ACACA: variants seen among roughly 807,000 people sequenced by gnomAD.
The protein encoded by ACACA is acetyl-CoA carboxylase 1.
A neutral mutation model predicts 296.1 loss-of-function variants in ACACA; 103 were observed. The ratio of observed to expected loss-of-function variants is 0.35; its 90% confidence interval spans 0.30 to 0.41. ACACA has a LOEUF of 0.41. ACACA is among the 10% of genes least tolerant of loss of function. The pLI is 1.00. For missense variants in ACACA, 1,554 were observed against 2,989.7 expected (o/e 0.52, Z 11.20); for synonymous variants, 953 against 1,038.6 (o/e 0.92, Z 1.58).
intron 26 of ACACA, among the ~76,000 whole-genome samples, chr17:37,225,798 G>T (rs566975076): frequency 2.0e-5 from 3 of 152,188 alleles, no homozygotes; most frequent in Non-Finnish European, 4.4e-5. Context: ...CCCATGCACT[G>T]AAACACAAAG....
intron 38 of ACACA, 107 bp downstream of exon 38, chr17:37,191,013 C>A: frequency 7.4e-7 from 1 of 1,342,740 alleles, no homozygotes; most frequent in South Asian, 1.2e-5. Flanking sequence ...AAGGGCTCAA[C>A]AGCCTGAACA....
At chr17:37,145,852 T>C (rs2075784242) in intron 45 of ACACA, among the ~76,000 whole-genome samples, 1 of 152,200 alleles carries the variant, frequency 6.6e-6, no homozygotes, top group South Asian at 2.1e-4. Flanking sequence ...AAAATCCAGA[T>C]ACTACAACTC....
chr17:37,177,490 C>T (rs188919529), intron 41 of ACACA, among the ~76,000 whole-genome samples: 74 of 152,236 alleles, frequency 4.9e-4, no homozygotes, highest in Admixed American at 1.6e-3. Context: ...AGAAAGAAAG[C>T]AGGAAAGAAA....
intron 1 of ACACA, among the ~76,000 whole-genome samples, chr17:37,402,736 G>C (rs185205934): frequency 6.6e-6 from 1 of 151,968 alleles, no homozygotes; most frequent in Non-Finnish European, 1.5e-5. Flanking sequence ...ACAGCGGCAC[G>C]ATCTCAGCTC....
At chr17:37,313,424 T>C (rs902867065) in intron 3 of ACACA, among the ~76,000 whole-genome samples, 1 of 152,168 alleles carries the variant, frequency 6.6e-6, no homozygotes, top group African/African-American at 2.4e-5. Context: ...AGTATCTCCA[T>C]CTGACAGAGG....
At chr17:37,377,936 T>C in intron 1 of ACACA, 2 of 1,612,750 alleles carry the variant, frequency 1.2e-6, no homozygotes, top group South Asian at 1.1e-5. Context: ...CCAAAAGACG[T>C]GAGAAGCATC....
chr17:37,180,574 A>G (rs1381295229), intron 40 of ACACA, among the ~76,000 whole-genome samples: 1 of 152,140 alleles, frequency 6.6e-6, no homozygotes, highest in Non-Finnish European at 1.5e-5. Context: ...CTTGCCTTCT[A>G]TTGATAGAAG....
At chr17:37,329,262 G>C (rs2047750582) in intron 3 of ACACA, among the ~76,000 whole-genome samples, 1 of 152,164 alleles carries the variant, frequency 6.6e-6, no homozygotes, top group Non-Finnish European at 1.5e-5. Flanking sequence ...CATCAAGATA[G>C]TTAGAACAAT....
intron 50 of ACACA, among the ~76,000 whole-genome samples, chr17:37,116,012 C>T (rs1001971116): frequency 3.3e-5 from 5 of 151,512 alleles, no homozygotes; most frequent in Non-Finnish European, 5.9e-5. Context: ...GAGCGGGGCG[C>T]GCCAGGTTCT....
chr17:37,171,890 C>T (rs574261785), intron 41 of ACACA, among the ~76,000 whole-genome samples: 2 of 152,206 alleles, frequency 1.3e-5, no homozygotes, highest in African/African-American at 2.4e-5. Flanking sequence ...TAGAAGCCAG[C>T]GGTATTTGAG....
At chr17:37,243,697 A>G (rs2080534891) in intron 21 of ACACA, 138 bp from the exon 22 acceptor site, 1 of 847,990 alleles carries the variant, frequency 1.2e-6, no homozygotes, top group South Asian at 1.5e-5. Flanking sequence ...CACATACTTG[A>G]GCCCTACGGA....
intron 25 of ACACA, among the ~76,000 whole-genome samples, chr17:37,234,239 A>G (rs772091029): frequency 6.6e-6 from 1 of 152,190 alleles, no homozygotes; most frequent in South Asian, 2.1e-4. Flanking sequence ...GGACTCTAGG[A>G]GTAGTCCTAC....
chr17:37,126,428 C>T (rs888797475), intron 47 of ACACA, among the ~76,000 whole-genome samples: 5 of 152,298 alleles, frequency 3.3e-5, no homozygotes, highest in South Asian at 2.1e-4. Flanking sequence ...GATGCACATA[C>T]TTAATGCCAT....
chr17:37,265,485 TAC>T (rs1337749738), intron 10 of ACACA, among the ~76,000 whole-genome samples: 1 of 152,104 alleles, frequency 6.6e-6, no homozygotes, highest in Non-Finnish European at 1.5e-5. Context: ...ACTCCTCAGG[TAC>T]AGTTTCTCTT....
intron 33 of ACACA, among the ~76,000 whole-genome samples, chr17:37,203,120 C>T (rs565632683): frequency 2.9e-4 from 44 of 152,008 alleles, no homozygotes; most frequent in Middle Eastern, 3.4e-3. Context: ...CGCCACCACA[C>T]CTGGCTAATT....
chr17:37,403,003 A>C (rs1269537600), intron 1 of ACACA, among the ~76,000 whole-genome samples: 1 of 152,014 alleles, frequency 6.6e-6, no homozygotes, highest in East Asian at 1.9e-4. Flanking sequence ...GCCTTTACTT[A>C]CTCATTTCAC....
intron 25 of ACACA, among the ~76,000 whole-genome samples, chr17:37,230,415 T>A (rs891749168): frequency 1.3e-5 from 2 of 151,270 alleles, no homozygotes; most frequent in East Asian, 3.9e-4. Flanking sequence ...AATAAATAAA[T>A]AAATAAATAA....
intron 5 of ACACA, among the ~76,000 whole-genome samples, chr17:37,278,242 AT>A (rs2082358696): frequency 6.6e-6 from 1 of 152,176 alleles, no homozygotes; most frequent in African/African-American, 2.4e-5. Context: ...ATTCTCCAAC[AT>A]TTCACTATGT....
At chr17:37,404,034 A>C (rs1239546808) in intron 1 of ACACA, among the ~76,000 whole-genome samples, 1 of 152,130 alleles carries the variant, frequency 6.6e-6, no homozygotes, top group African/African-American at 2.4e-5. Context: ...TGGCCTCCCA[A>C]ACTGCTGGGA....
Sources: allele counts gnomAD v4.1 joint callset (sites outside exome capture counted in the v4.1 genomes callset), GRCh38; gene constraint gnomAD v4.1.1; transcripts MANE v1.5; gene names NCBI Gene and HGNC (gene_info 2026-07-23, HGNC 2026-07-21).